CSGALNACT1: variants seen among roughly 807,000 people sequenced by gnomAD.
CSGALNACT1 encodes chondroitin sulfate N-acetylgalactosaminyltransferase 1.
CSGALNACT1 carries 52 observed loss-of-function variants against 51.0 expected under a neutral mutation model. The ratio of observed to expected loss-of-function variants is 1.02; its 90% CI spans 0.82 to 1.29. The LOEUF is 1.29. CSGALNACT1 is among the 50% of genes most tolerant of loss of function. The pLI, the probability that CSGALNACT1 is intolerant of heterozygous loss-of-function variation, is 0.00. For synonymous variants in CSGALNACT1, 341 were observed against 254.4 expected (o/e 1.34, Z -3.24); for missense variants, 935 against 679.2 (o/e 1.38, Z -4.19).
chr8:19,443,260 G>C (rs1034353258), intron 5 of CSGALNACT1, among the ~76,000 whole-genome samples: 1 of 152,178 alleles, frequency 6.6e-6, no homozygotes, highest in African/African-American at 2.4e-5. Flanking sequence ...GTGTGTATGT[G>C]TAAATGTGAA....
chr8:19,428,833 G>A (rs879737316), intron 6 of CSGALNACT1, among the ~76,000 whole-genome samples: 26,187 of 82,140 alleles, frequency 0.32, 2,680 homozygotes, highest in Admixed American at 0.44. Flanking sequence ...ATATGTGTGT[G>A]TGTGTGTGTG....
intron 3 of CSGALNACT1, among the ~76,000 whole-genome samples, chr8:19,513,795 G>T (rs781356990): frequency 3.9e-5 from 6 of 151,956 alleles, no homozygotes. Flanking sequence ...TAACACTATG[G>T]TATTTGTGTA....
intron 1 of CSGALNACT1, among the ~76,000 whole-genome samples, chr8:19,749,225 T>C (rs1211379175): frequency 1.3e-5 from 2 of 152,050 alleles, no homozygotes; most frequent in African/African-American, 4.8e-5. Context: ...GTGTTTTTTT[T>C]TTTTAAGTTT....
chr8:19,658,062 C>CACAA (rs2058439794), intron 1 of CSGALNACT1, among the ~76,000 whole-genome samples: 1 of 86,714 alleles, frequency 1.2e-5, no homozygotes, highest in Non-Finnish European at 2.1e-5. Context: ...ACCCTCCTTC[C>CACAA]AAAAAAAAAA....
chr8:19,655,249 C>T (rs2058157626), intron 1 of CSGALNACT1, among the ~76,000 whole-genome samples: 1 of 152,160 alleles, frequency 6.6e-6, no homozygotes, highest in South Asian at 2.1e-4. Flanking sequence ...GAGACACCAA[C>T]AAATCCAAGC....
intron 1 of CSGALNACT1, among the ~76,000 whole-genome samples, chr8:19,653,205 C>A (rs527755586): frequency 6.6e-6 from 1 of 152,260 alleles, no homozygotes; most frequent in South Asian, 2.1e-4. Flanking sequence ...TCCCTTCAAC[C>A]CACATTCCCA....
At chr8:19,653,578 G>C (rs753853543) in intron 1 of CSGALNACT1, among the ~76,000 whole-genome samples, 2 of 152,156 alleles carry the variant, frequency 1.3e-5, no homozygotes, top group African/African-American at 2.4e-5. Flanking sequence ...TGGATCACTT[G>C]ACCCCAGGAG....
intron 1 of CSGALNACT1, among the ~76,000 whole-genome samples, chr8:19,637,534 C>A (rs527403016): frequency 6.6e-6 from 1 of 152,176 alleles, no homozygotes; most frequent in African/African-American, 2.4e-5. Context: ...GCACTTAAAA[C>A]TTAATGTTAG....
chr8:19,446,664 C>T (rs773247063), intron 5 of CSGALNACT1, among the ~76,000 whole-genome samples: 4 of 152,138 alleles, frequency 2.6e-5, no homozygotes, highest in Non-Finnish European at 5.9e-5. Flanking sequence ...CAGGTGTGTG[C>T]CATCATGCCC....
chr8:19,488,142 G>A (rs533111368), intron 4 of CSGALNACT1, among the ~76,000 whole-genome samples: 1 of 151,960 alleles, frequency 6.6e-6, no homozygotes, highest in East Asian at 1.9e-4. Flanking sequence ...CTAAGGTCAG[G>A]AGCTCGAGAC....
intron 5 of CSGALNACT1, among the ~76,000 whole-genome samples, chr8:19,453,080 T>C (rs150984830): frequency 6.6e-6 from 1 of 151,914 alleles, no homozygotes; most frequent in African/African-American, 2.4e-5. Context: ...AAAGAAATCA[T>C]AGCAACCACA....
chr8:19,667,024 G>GAAAAGAA (rs1564386623), intron 1 of CSGALNACT1, among the ~76,000 whole-genome samples: 9 of 26,612 alleles, frequency 3.4e-4, no homozygotes, highest in African/African-American at 2.1e-3. Context: ...AGAAAGGAAG[G>GAAAAGAA]AAGGAAGGAA....
At chr8:19,530,232 C>T (rs1228556094) in intron 3 of CSGALNACT1, among the ~76,000 whole-genome samples, 4 of 59,430 alleles carry the variant, frequency 6.7e-5, no homozygotes, top group African/African-American at 1.7e-4. Context: ...AAAAACAAAA[C>T]AAAACAAAAC....
Position 19,622,221 on chromosome 8 carries a change from T to C in CSGALNACT1, c.-543-20356A>G, listed in dbSNP as rs139063507. On this transcript the variant is annotated intron_variant, in intron 1 of 9. Coordinates refer to the CSGALNACT1 transcript ENST00000332246. ...CATCATTAAAATTTGTCCCTATTTG[T>C]TGAACTTGACTAAACACGGTGGTTG... Among the ~76,000 whole-genome samples the C allele has an allele frequency of 1.9e-3, 291 of 152,358 alleles. 1 individual carries two copies. The highest frequency in any genetic ancestry group is 6.8e-3 in the Middle Eastern group (2 of 294).
chr8:19,496,667 C>G (rs2075525398), intron 4 of CSGALNACT1, among the ~76,000 whole-genome samples: 1 of 152,166 alleles, frequency 6.6e-6, no homozygotes. Flanking sequence ...AAACAGCTGG[C>G]TCAGAATCTG....
At chr8:19,437,299 G>C (rs1186080029) in intron 6 of CSGALNACT1, among the ~76,000 whole-genome samples, 1 of 152,160 alleles carries the variant, frequency 6.6e-6, no homozygotes, top group Non-Finnish European at 1.5e-5. Flanking sequence ...AGAATAATGG[G>C]AGTGCAGACA....
chr8:19,621,002 A>C (rs373006899), intron 1 of CSGALNACT1, among the ~76,000 whole-genome samples: 2 of 152,202 alleles, frequency 1.3e-5, no homozygotes, highest in East Asian at 1.9e-4. Flanking sequence ...CACCGTAAAA[A>C]TGTTGTGAGA....
intron 9 of CSGALNACT1, among the ~76,000 whole-genome samples, chr8:19,407,947 G>A (rs896533684): frequency 8.0e-5 from 11 of 138,124 alleles, no homozygotes; most frequent in African/African-American, 2.6e-4. Flanking sequence ...GTGTGTGTGT[G>A]TGTATTGGCA....
intron 1 of CSGALNACT1, among the ~76,000 whole-genome samples, chr8:19,623,942 G>A (rs1411785133): frequency 6.6e-6 from 1 of 152,204 alleles, no homozygotes; most frequent in Non-Finnish European, 1.5e-5. Flanking sequence ...ATCTTACAAG[G>A]TCTAGGAGAT....
Sources: gnomAD v4.1 joint callset for allele counts (sites outside exome capture counted in the v4.1 genomes callset) on GRCh38, gnomAD v4.1.1 for gene constraint, MANE v1.5 for transcripts, NCBI Gene and HGNC (gene_info 2026-07-23, HGNC 2026-07-21) for gene names.